CAPZA2: variants seen among roughly 807,000 people sequenced by gnomAD.
CAPZA2 encodes capping actin protein of muscle Z-line subunit alpha 2.
In CAPZA2, 13 loss-of-function variants were observed where a neutral mutation model predicts 44.0. The observed-to-expected ratio is 0.30, with a 90% CI of 0.19 to 0.47. CAPZA2 has a LOEUF of 0.47. Among genes scored for constraint, CAPZA2 ranks in the 20% least tolerant of loss-of-function variants. The pLI is 1.00. For missense variants in CAPZA2, 244 were observed against 338.6 expected, an observed-to-expected ratio of 0.72 and a Z score of 2.19; for synonymous variants, 94 against 108.2, an observed-to-expected ratio of 0.87 and a Z score of 0.81.
At chr7:116,902,338 G>A (rs776729073) in intron 4 of CAPZA2, among the ~76,000 whole-genome samples, 40 of 152,158 alleles carry the variant, frequency 2.6e-4, no homozygotes, top group Admixed American at 3.3e-4. Context: ...GTTTTTAACT[G>A]TAGAATGAAG....
At position 116,910,288 on chromosome 7, in the gene CAPZA2, G is replaced by T. The variant is rs2115973112; in HGVS notation, c.562G>T (p.Val188Leu). ...KFTITPSTTQ[V>L]VGILKIQVHY... ...TACAATCACTCCTTCAACCACTCAA[G>T]TGGTTGGCATCTTGAAAATTCAGGT... The change falls in exon 7 of 10, where the codon GTG (valine) becomes TTG (leucine). Residue 188 changes from valine (V) to leucine (L), a missense_variant. Val to Leu is a conservative substitution (Grantham distance 32, BLOSUM62 1). Coordinates refer to ENST00000361183, the MANE Select transcript of CAPZA2 (RefSeq NM_006136.3). The T allele has an allele frequency of 6.3e-7, 1 of 1,585,992 alleles. No individual in the cohort carries two copies.
intron 3 of CAPZA2, among the ~76,000 whole-genome samples, chr7:116,894,766 A>G (rs964449): frequency 0.34 from 52,019 of 151,982 alleles, 10,874 homozygotes; most frequent in South Asian, 0.53. Flanking sequence ...GCCTTTTGTG[A>G]CTGGTCTATT....
chr7:116,872,282 A>C (rs1796563184), intron 1 of CAPZA2, among the ~76,000 whole-genome samples: 1 of 152,224 alleles, frequency 6.6e-6, no homozygotes, highest in Non-Finnish European at 1.5e-5. Context: ...AGGAAATTGA[A>C]AACGTAAGAT....
intron 1 of CAPZA2, among the ~76,000 whole-genome samples, chr7:116,871,286 G>A (rs902443007): frequency 6.6e-6 from 1 of 152,216 alleles, no homozygotes; most frequent in Non-Finnish European, 1.5e-5. Flanking sequence ...AGAATGTGAC[G>A]AGAATTTCAA....
At chr7:116,880,699 T>C (rs1406982193) in intron 1 of CAPZA2, among the ~76,000 whole-genome samples, 1 of 44,076 alleles carries the variant, frequency 2.3e-5, no homozygotes, top group South Asian at 9.1e-4. Flanking sequence ...AACCTGCCTT[T>C]TTTTTTTTTT....
At chr7:116,895,294 A>G (rs1454423377) in intron 3 of CAPZA2, among the ~76,000 whole-genome samples, 1 of 152,098 alleles carries the variant, frequency 6.6e-6, no homozygotes, top group African/African-American at 2.4e-5. Context: ...ATAGCATGAA[A>G]TAGTTATACA....
chr7:116,907,064 T>A, intron 6 of CAPZA2, among the ~76,000 whole-genome samples: 1 of 152,242 alleles, frequency 6.6e-6, no homozygotes, highest in East Asian at 1.9e-4. Flanking sequence ...AGTATGGTCA[T>A]AATATTTACC....
chr7:116,917,235 A>G (rs753028201), intron 9 of CAPZA2, among the ~76,000 whole-genome samples: 3 of 151,956 alleles, frequency 2.0e-5, no homozygotes, highest in Non-Finnish European at 2.9e-5. Flanking sequence ...TTTTTCTTCT[A>G]GCTGCTTTTA....
intron 6 of CAPZA2, among the ~76,000 whole-genome samples, chr7:116,909,034 C>T (rs1791551767): frequency 6.6e-6 from 1 of 152,122 alleles, no homozygotes; most frequent in South Asian, 2.1e-4. Flanking sequence ...ACCAGTTTAA[C>T]ATCCCTAATT....
chr7:116,862,700 C>T (rs1190029214), intron 1 of CAPZA2, 50 bp downstream of exon 1: 3 of 1,499,734 alleles, frequency 2.0e-6, no homozygotes, highest in East Asian at 5.7e-5. Flanking sequence ...CGGCTCAGCC[C>T]GGGCGGGTGG....
intron 4 of CAPZA2, among the ~76,000 whole-genome samples, chr7:116,901,881 A>ATATGTGGTGTG (rs375500363): frequency 2.1e-5 from 3 of 140,820 alleles, no homozygotes; most frequent in Non-Finnish European, 1.6e-5. Context: ...TAACGAAGAA[A>ATATGTGGTGTG]TGTGTGTGTG....
intron 1 of CAPZA2, among the ~76,000 whole-genome samples, chr7:116,880,910 T>G (rs1796690437): frequency 6.6e-6 from 1 of 151,358 alleles, no homozygotes; most frequent in Admixed American, 6.6e-5. Flanking sequence ...GGTTTCTCCC[T>G]GTTGGCCAGG....
In CAPZA2 at chr7:116,888,159, C is replaced by T. The variant is rs1796787543; in HGVS notation, c.72C>T (p.Ala24=). ...TAGCAGCAAAATTCATCATTCATGCCCCTCCTGGAGAATTTAATGAGGTTT... is the reference window on the plus strand; with the variant it reads ...TAGCAGCAAAATTCATCATTCATGCTCCTCCTGGAGAATTTAATGAGGTTT... ...VRIAAKFIIH[A]PPGEFNEVFN... Residue 24 remains alanine, a synonymous_variant, in exon 2 of 10, where the codon GCC becomes GCT. Transcript: ENST00000361183. 4.3e-6 allele frequency: 7 copies of T among 1,610,882 alleles called. No individual in the cohort carries two copies. The highest frequency in any genetic ancestry group is 5.9e-6 in the Non-Finnish European group (7 of 1,178,374).
intron 2 of CAPZA2, among the ~76,000 whole-genome samples, chr7:116,892,529 G>C (rs1257028862): frequency 6.6e-6 from 1 of 151,706 alleles, no homozygotes; most frequent in Non-Finnish European, 1.5e-5. Context: ...CTCCCCTTTA[G>C]TTCCTTGGAG....
At chr7:116,900,822 A>C (rs558558300) in intron 4 of CAPZA2, among the ~76,000 whole-genome samples, 1 of 152,222 alleles carries the variant, frequency 6.6e-6, no homozygotes, top group Admixed American at 6.6e-5. Flanking sequence ...AAAAGATAAA[A>C]ACAAGCGCAT....
chr7:116,863,586 T>C (rs892178118), intron 1 of CAPZA2, among the ~76,000 whole-genome samples: 1 of 152,234 alleles, frequency 6.6e-6, no homozygotes, highest in African/African-American at 2.4e-5. Context: ...GTTTGGCTTT[T>C]GGGAACGTCC....
At chr7:116,887,173 A>G (rs1021099216) in intron 1 of CAPZA2, among the ~76,000 whole-genome samples, 4 of 152,138 alleles carry the variant, frequency 2.6e-5, no homozygotes, top group Non-Finnish European at 5.9e-5. Flanking sequence ...GTCTTCACAC[A>G]TAGAAAATTT....
intron 6 of CAPZA2, among the ~76,000 whole-genome samples, chr7:116,909,337 G>A (rs529925457): frequency 6.6e-6 from 1 of 151,998 alleles, no homozygotes; most frequent in Admixed American, 6.6e-5. Context: ...GAGACAAAAA[G>A]AAAAGTTACC....
intron 1 of CAPZA2, among the ~76,000 whole-genome samples, chr7:116,868,217 G>A (rs957897639): frequency 3.3e-5 from 5 of 152,084 alleles, no homozygotes; most frequent in African/African-American, 7.2e-5. Context: ...ACAATTTTGC[G>A]TAATAGTTAT....
Sources: allele counts gnomAD v4.1 joint callset (sites outside exome capture counted in the v4.1 genomes callset), GRCh38; gene constraint gnomAD v4.1.1; transcripts MANE v1.5; gene names NCBI Gene and HGNC (gene_info 2026-07-23, HGNC 2026-07-21).